GGTA1: variants seen among roughly 807,000 people sequenced by gnomAD.
GGTA1 encodes glycoprotein alpha-galactosyltransferase 1 (inactive).
GGTA1 carries 5 observed loss-of-function variants against 2.6 expected under a neutral mutation model. The observed-to-expected ratio is 1.92, with a 90% CI of 1.00 to 4.04. GGTA1 has a LOEUF of 4.04. Ranked by LOEUF, GGTA1 falls within the 30% of genes most tolerant of loss-of-function variation. The pLI is 0.00. For synonymous variants in GGTA1, 17 were observed against 5.0 expected (o/e 3.38, Z -3.19); for missense variants, 50 against 16.7 (o/e 2.99, Z -3.47).
intron 1 of GGTA1, among the ~76,000 whole-genome samples, chr9:121,489,594 G>T (rs1375100669): frequency 2.0e-5 from 3 of 152,200 alleles, no homozygotes; most frequent in Non-Finnish European, 4.4e-5. Flanking sequence ...TCAAGTGGTG[G>T]TAACTTGAAA....
chr9:121,478,939 C>G (rs1460895263), intron 1 of GGTA1: 1 of 414,772 alleles, frequency 2.4e-6, no homozygotes, highest in Non-Finnish European at 4.7e-6. Context: ...TAACTTCACC[C>G]TGAGCCCCAA....
At chr9:121,456,844 T>A (rs531914764) in intron 5 of GGTA1, among the ~76,000 whole-genome samples, 1 of 152,308 alleles carries the variant, frequency 6.6e-6, no homozygotes, top group South Asian at 2.1e-4. Flanking sequence ...GCTAATTTTT[T>A]ATTTTTTTGA....
chr9:121,446,996 C>T (rs2064855015), exon 8 of GGTA1: 1 of 152,256 alleles, frequency 6.6e-6, no homozygotes, highest in Non-Finnish European at 1.5e-5. Context: ...TATGATAATC[C>T]CAGCAGTATT....
At chr9:121,491,609 T>C (rs548008319) in intron 1 of GGTA1, among the ~76,000 whole-genome samples, 1 of 152,116 alleles carries the variant, frequency 6.6e-6, no homozygotes, top group Non-Finnish European at 1.5e-5. Flanking sequence ...TTTTTTTTTT[T>C]TTCTTGTTTT....
At chr9:121,485,778 AAAG>A (rs1347908671) in intron 1 of GGTA1, among the ~76,000 whole-genome samples, 1 of 152,180 alleles carries the variant, frequency 6.6e-6, no homozygotes, top group Non-Finnish European at 1.5e-5. Context: ...ACAGAGGCTC[AAAG>A]AAGGAGGGAA....
downstream of GGTA1, among the ~76,000 whole-genome samples, chr9:121,454,739 G>A (rs527975805): frequency 1.7e-3 from 256 of 152,234 alleles, 1 homozygote; most frequent in Admixed American, 3.3e-3. Flanking sequence ...TAAGCCGGGC[G>A]CGGTGGCTCA....
chr9:121,479,179 G>A (rs190048210), intron 1 of GGTA1: 160 of 449,872 alleles, frequency 3.6e-4, no homozygotes, highest in Non-Finnish European at 5.9e-4. Context: ...CGATCCACCC[G>A]TGACCCCAGC....
intron 1 of GGTA1, among the ~76,000 whole-genome samples, chr9:121,481,214 G>A (rs966485579): frequency 6.7e-6 from 1 of 150,202 alleles, no homozygotes; most frequent in Non-Finnish European, 1.5e-5. Flanking sequence ...CTCCCAAGGC[G>A]TATCATCAGA....
downstream of GGTA1, among the ~76,000 whole-genome samples, chr9:121,451,151 G>T (rs756404148): frequency 3.9e-5 from 6 of 151,952 alleles, no homozygotes; most frequent in Non-Finnish European, 8.8e-5. Context: ...AAAGCAAAAT[G>T]GATTATCTTT....
At chr9:121,454,881 G>C (rs1351115785), downstream of GGTA1, among the ~76,000 whole-genome samples, 2 of 152,126 alleles carry the variant, frequency 1.3e-5, no homozygotes, top group African/African-American at 4.8e-5. Context: ...AGGCGTGGTG[G>C]TGCACACCTG....
chr9:121,494,492 A>G (rs1828946026), intron 1 of GGTA1: 1 of 152,206 alleles, frequency 6.6e-6, no homozygotes, highest in Non-Finnish European at 1.5e-5. Flanking sequence ...TTAGAACTGA[A>G]AGGACTTTTA....
At chr9:121,491,456 G>T (rs1018745530) in intron 1 of GGTA1, among the ~76,000 whole-genome samples, 2 of 152,110 alleles carry the variant, frequency 1.3e-5, no homozygotes, top group Non-Finnish European at 1.5e-5. Flanking sequence ...TCTTCCCTCT[G>T]CCTGAAACTC....
chr9:121,479,486 C>A (rs559809474), intron 1 of GGTA1, among the ~76,000 whole-genome samples: 2 of 152,254 alleles, frequency 1.3e-5, no homozygotes, highest in South Asian at 4.1e-4. Flanking sequence ...ATGTTCCTCT[C>A]TGGATCCATG....
At chr9:121,464,303 CAT>C (rs1469874694) in intron 2 of GGTA1, among the ~76,000 whole-genome samples, 1 of 146,774 alleles carries the variant, frequency 6.8e-6, no homozygotes, top group Admixed American at 6.9e-5. Context: ...CCAAGCCAAA[CAT>C]AATTTTTGCC....
chr9:121,493,518 A>AG, intron 1 of GGTA1, among the ~76,000 whole-genome samples: 1 of 152,300 alleles, frequency 6.6e-6, no homozygotes, highest in East Asian at 1.9e-4. Flanking sequence ...ACGTGAGATG[A>AG]GTACATGGTC....
Position 121,463,280 on chromosome 9 carries a change from T to C in GGTA1, c.116+13A>G, listed in dbSNP as rs1370543825. The C allele has an allele frequency of 4.4e-6, 2 of 453,216 alleles. No individual in the cohort carries two copies. The highest frequency in any genetic ancestry group is 4.0e-5 in the African/African-American group (2 of 49,832). 28.1% of individuals were successfully genotyped at this position (453,216 alleles called of 1,614,324 possible). On this transcript the variant is annotated intron_variant, in intron 3 of 5. Transcript: ENST00000481799. ...GAAACATCCCCTAGAAATCTAGAAT[T>C]CAAAGCACTTACTTTGAGTGATATA...
At chr9:121,479,877 G>A (rs1828604061) in intron 1 of GGTA1, among the ~76,000 whole-genome samples, 1 of 152,010 alleles carries the variant, frequency 6.6e-6, no homozygotes, top group African/African-American at 2.4e-5. Flanking sequence ...GAATGTTACG[G>A]GATCTCCCAC....
chr9:121,483,065 GTCCTCTCCATGAGCAAGCAGTGA>G (rs1828687085), intron 1 of GGTA1, among the ~76,000 whole-genome samples: 1 of 152,200 alleles, frequency 6.6e-6, no homozygotes, highest in African/African-American at 2.4e-5. Flanking sequence ...AGATAAAGTG[GTCCTCTCCATGAGCAAGCAGTGA>G]TCCCCGGTCT....
intron 5 of GGTA1, among the ~76,000 whole-genome samples, chr9:121,458,902 C>G (rs916095455): frequency 6.6e-6 from 1 of 152,170 alleles, no homozygotes; most frequent in Non-Finnish European, 1.5e-5. Context: ...TCTGGCCCAT[C>G]TAGCCTGTCC....
Sources: gnomAD v4.1 joint callset for allele counts (sites outside exome capture counted in the v4.1 genomes callset) on GRCh38, gnomAD v4.1.1 for gene constraint, MANE v1.5 for transcripts, NCBI Gene and HGNC (gene_info 2026-07-23, HGNC 2026-07-21) for gene names.